The following RALYL variants were observed in gnomAD, a reference collection of about 807,000 sequenced individuals.
RALYL encodes RALY RNA binding protein like.
RALYL carries 29 observed loss-of-function variants against 35.1 expected under a neutral mutation model. That is an observed-to-expected ratio of 0.83 (90% confidence interval 0.61 to 1.13). RALYL has a LOEUF of 1.13. Ranked by LOEUF, RALYL falls within the 50% of genes most tolerant of loss-of-function variation. RALYL has a pLI of 0.00. For missense variants in RALYL, 359 were observed against 360.4 expected (o/e 1.00, Z 0.03); for synonymous variants, 120 against 127.6 (o/e 0.94, Z 0.40).
intron 1 of RALYL, among the ~76,000 whole-genome samples, chr8:84,472,120 A>T (rs1300617336): frequency 2.0e-5 from 3 of 152,166 alleles, no homozygotes; most frequent in Admixed American, 2.0e-4. Flanking sequence ...CTAATTTCTC[A>T]TCTGCTGCTT....
At chr8:84,232,263 A>G (rs1253682565) in intron 1 of RALYL, among the ~76,000 whole-genome samples, 1 of 152,146 alleles carries the variant, frequency 6.6e-6, no homozygotes, top group Non-Finnish European at 1.5e-5. Flanking sequence ...AAAACTTCCA[A>G]CTTCTCTGCT....
At chr8:84,438,612 A>C (rs2047994766) in intron 1 of RALYL, among the ~76,000 whole-genome samples, 1 of 151,950 alleles carries the variant, frequency 6.6e-6, no homozygotes, top group Non-Finnish European at 1.5e-5. Flanking sequence ...GGCTGGTCTC[A>C]GATTCCTGAG....
chr8:84,735,312 G>C (rs1485044995), intron 2 of RALYL, among the ~76,000 whole-genome samples: 1 of 151,782 alleles, frequency 6.6e-6, no homozygotes, highest in African/African-American at 2.4e-5. Flanking sequence ...ATTAATAAAG[G>C]ATAAAAGGAA....
At chr8:84,217,054 C>A (rs1821002944) in intron 1 of RALYL, among the ~76,000 whole-genome samples, 1 of 152,064 alleles carries the variant, frequency 6.6e-6, no homozygotes, top group Non-Finnish European at 1.5e-5. Flanking sequence ...TAGGTTATAA[C>A]CCTTTTAAAT....
chr8:84,765,069 G>C (rs945561491), intron 2 of RALYL, among the ~76,000 whole-genome samples: 7 of 152,110 alleles, frequency 4.6e-5, no homozygotes, highest in Non-Finnish European at 7.4e-5. Flanking sequence ...GTAAACCACA[G>C]GGCTGTGAAC....
rs994985430 is a variant in RALYL at position 84,225,786 on chromosome 8, T to C, written c.-24+41362T>C. ...TAGCACAGTCTCGAATGTGTGTGCT[T>C]GTTTATATGACTGCTCATCTAGAAT... On this transcript the variant is annotated intron_variant, in intron 1 of 8. Transcript: ENST00000521268. Among the ~76,000 whole-genome samples, 214 of 152,310 alleles carry C rather than the reference T, an allele frequency of 1.4e-3. 1 individual carries two copies. The highest frequency in any genetic ancestry group is 5.0e-3 in the African/African-American group (208 of 41,568).
chr8:84,227,522 C>T (rs1367559782), intron 1 of RALYL, among the ~76,000 whole-genome samples: 1 of 152,032 alleles, frequency 6.6e-6, no homozygotes, highest in East Asian at 1.9e-4. Flanking sequence ...TAAGTACTAA[C>T]AAAAAATTGT....
chr8:84,809,085 T>G (rs958004765), intron 4 of RALYL, among the ~76,000 whole-genome samples: 1 of 152,122 alleles, frequency 6.6e-6, no homozygotes, highest in Admixed American at 6.5e-5. Flanking sequence ...TTTGTTCCAG[T>G]TTTCAGAGGG....
intron 2 of RALYL, among the ~76,000 whole-genome samples, chr8:84,736,109 A>G (rs1847263166): frequency 1.3e-5 from 2 of 152,146 alleles, no homozygotes; most frequent in Non-Finnish European, 1.5e-5. Flanking sequence ...TTAAATTCAT[A>G]ACGAACAAAG....
At chr8:84,543,389 A>C (rs1054685595) in intron 2 of RALYL, among the ~76,000 whole-genome samples, 1 of 152,042 alleles carries the variant, frequency 6.6e-6, no homozygotes, top group African/African-American at 2.4e-5. Context: ...AGTAGTATTC[A>C]AAATAGTAAA....
intron 1 of RALYL, among the ~76,000 whole-genome samples, chr8:84,452,386 A>C (rs1487118544): frequency 1.3e-5 from 2 of 151,914 alleles, no homozygotes; most frequent in Non-Finnish European, 2.9e-5. Flanking sequence ...TGTAGCCCTT[A>C]TAAAGTGTAT....
chr8:84,412,302 T>A (rs2044184984), intron 1 of RALYL, among the ~76,000 whole-genome samples: 1 of 151,886 alleles, frequency 6.6e-6, no homozygotes, highest in African/African-American at 2.4e-5. Context: ...ATTCTTAGAG[T>A]TTGTAGGTGC....
chr8:84,328,516 C>T (rs879931327), intron 1 of RALYL, among the ~76,000 whole-genome samples: 7 of 152,218 alleles, frequency 4.6e-5, no homozygotes, highest in African/African-American at 9.6e-5. Flanking sequence ...CAGAAAAAGG[C>T]TTGCCATGGC....
intron 1 of RALYL, among the ~76,000 whole-genome samples, chr8:84,508,681 A>G (rs1475232266): frequency 6.6e-6 from 1 of 151,914 alleles, no homozygotes; most frequent in African/African-American, 2.4e-5. Context: ...AAAAAGATGA[A>G]TTTTTCCAAG....
chr8:84,557,067 T>C (rs1356386188), intron 2 of RALYL, among the ~76,000 whole-genome samples: 1 of 152,216 alleles, frequency 6.6e-6, no homozygotes, highest in Non-Finnish European at 1.5e-5. Context: ...ATAGGAAACC[T>C]AACTTGTCAC....
intron 2 of RALYL, among the ~76,000 whole-genome samples, chr8:84,728,571 A>T (rs1589230635): frequency 6.6e-6 from 1 of 151,906 alleles, no homozygotes; most frequent in African/African-American, 2.4e-5. Context: ...CTGAATGGTA[A>T]TGCCTAGGTT....
At chr8:84,726,419 A>G (rs947642500) in intron 2 of RALYL, among the ~76,000 whole-genome samples, 4 of 150,578 alleles carry the variant, frequency 2.7e-5, no homozygotes, top group Non-Finnish European at 5.9e-5. Context: ...TATTTTTGTT[A>G]CTACCTAGCA....
At chr8:84,370,846 A>G (rs1855535963) in intron 1 of RALYL, among the ~76,000 whole-genome samples, 1 of 152,024 alleles carries the variant, frequency 6.6e-6, no homozygotes, top group South Asian at 2.1e-4. Flanking sequence ...GGCAGTATAT[A>G]TAGCTGCCTT....
intron 2 of RALYL, among the ~76,000 whole-genome samples, chr8:84,548,976 C>T (rs934699042): frequency 3.3e-5 from 5 of 152,242 alleles, no homozygotes; most frequent in Admixed American, 6.5e-5. Flanking sequence ...TTTATGTACT[C>T]GCAAATTGGA....
Sources: gnomAD v4.1 joint callset for allele counts (sites outside exome capture counted in the v4.1 genomes callset) on GRCh38, gnomAD v4.1.1 for gene constraint, MANE v1.5 for transcripts, NCBI Gene and HGNC (gene_info 2026-07-23, HGNC 2026-07-21) for gene names.